Variants in SV2C observed in about 807,000 individuals in gnomAD.
SV2C encodes synaptic vesicle glycoprotein 2C.
A neutral mutation model predicts 79.7 loss-of-function variants in SV2C; 49 were observed. That is an observed-to-expected ratio of 0.61 (90% CI 0.49 to 0.78). The LOEUF is 0.78. SV2C is among the 30% of genes least tolerant of loss of function. The probability of loss-of-function intolerance (pLI) is 0.00; values close to 1 mark genes in which losing one functional copy is unlikely to be tolerated. For missense variants in SV2C, 833 were observed against 912.9 expected (o/e 0.91, Z 1.13); for synonymous variants, 334 against 333.2 (o/e 1.00, Z -0.03).
chr5:76,204,095 G>A (rs1744535893), intron 3 of SV2C, among the ~76,000 whole-genome samples: 1 of 152,222 alleles, frequency 6.6e-6, no homozygotes, highest in African/African-American at 2.4e-5. Context: ...CCCAAGGTCT[G>A]TGATACTCTA....
chr5:76,300,541 A>G (rs916185029), intron 10 of SV2C, among the ~76,000 whole-genome samples, 188 bp from the exon 11 acceptor site: 2 of 152,130 alleles, frequency 1.3e-5, no homozygotes, highest in African/African-American at 4.8e-5. Flanking sequence ...CACCTACTTT[A>G]TGATGTGAAG....
At chr5:76,244,201 C>A (rs770266216) in intron 4 of SV2C, among the ~76,000 whole-genome samples, 2 of 152,202 alleles carry the variant, frequency 1.3e-5, no homozygotes, top group Non-Finnish European at 2.9e-5. Context: ...GAACCAAACA[C>A]GGTAAGCTCT....
the SV2C span, among the ~76,000 whole-genome samples, chr5:76,007,229 A>G: frequency 6.6e-6 from 1 of 151,530 alleles, no homozygotes; most frequent in East Asian, 2.0e-4. Flanking sequence ...TTATTTGTGT[A>G]TGCCTCCCTT....
At chr5:76,238,510 ACT>A (rs1236015580) in intron 4 of SV2C, among the ~76,000 whole-genome samples, 1 of 151,764 alleles carries the variant, frequency 6.6e-6, no homozygotes, top group Non-Finnish European at 1.5e-5. Context: ...CATGTTGGAC[ACT>A]CTCTTAGTAC....
the SV2C span, among the ~76,000 whole-genome samples, chr5:75,988,138 T>C: frequency 1.3e-5 from 2 of 152,036 alleles, no homozygotes; most frequent in Admixed American, 6.6e-5. Context: ...CACACACATA[T>C]ACATTTAAGA....
At chr5:76,076,055 T>C in the SV2C span, 1 of 152,778 alleles carries the variant, frequency 6.5e-6, no homozygotes, top group African/African-American at 2.4e-5. Context: ...GTAGGAGTTA[T>C]ATTTGGTTGT....
At chr5:76,163,988 A>G (rs957635422) in intron 2 of SV2C, among the ~76,000 whole-genome samples, 3 of 152,216 alleles carry the variant, frequency 2.0e-5, no homozygotes, top group African/African-American at 7.2e-5. Context: ...GCCTTCTACA[A>G]TCCTCAGAGT....
At chr5:76,116,513 G>A (rs557788538) in intron 1 of SV2C, among the ~76,000 whole-genome samples, 32 of 152,152 alleles carry the variant, frequency 2.1e-4, no homozygotes, top group Non-Finnish European at 3.7e-4. Context: ...CCTAAGCCTC[G>A]CCTTCTGGGA....
chr5:76,133,903 G>A (rs999500654), intron 2 of SV2C, among the ~76,000 whole-genome samples: 8 of 152,116 alleles, frequency 5.3e-5, no homozygotes, highest in African/African-American at 1.9e-4. Flanking sequence ...GATAGACCCT[G>A]AGAAATATAC....
the SV2C span, among the ~76,000 whole-genome samples, chr5:75,884,188 G>A: frequency 2.0e-5 from 3 of 152,154 alleles, no homozygotes; most frequent in African/African-American, 4.8e-5. Context: ...CAACTTTTGA[G>A]AAACACCAAA....
rs931346516 is a variant in SV2C at position 76,325,774 on chromosome 5, C to G, written c.*227C>G. 2 of 538,190 alleles carry G rather than the reference C, an allele frequency of 3.7e-6. No individual in the cohort carries two copies. The highest frequency in any genetic ancestry group is 6.0e-6 in the Non-Finnish European group (2 of 331,740). 33.3% of individuals were successfully genotyped at this position (538,190 alleles called of 1,614,324 possible). ...TTGAATGCATTGTTATCTTTCCAAA[C>G]TGTGATGCTACTGCCTCCCGCAAAT... On this transcript the variant is annotated 3_prime_UTR_variant, in exon 13 of 13. Coordinates refer to ENST00000502798, the MANE Select transcript of SV2C (RefSeq NM_014979.4).
rs761349390 is a variant in SV2C at position 76,325,395 on chromosome 5, T to C, written c.2032T>C (p.Cys678Arg). 30 of 1,614,220 alleles carry C rather than the reference T, an allele frequency of 1.9e-5. No homozygotes were observed. The highest frequency in any genetic ancestry group is 2.5e-5 in the Non-Finnish European group (30 of 1,180,040). ...ATGFGFLNAL[C>R]KAAAVLGNLI... ...AGGCTTTGGCTTCTTAAATGCGCTA[T>C]GCAAGGCAGCAGCCGTCCTGGGAAA... The change falls in exon 13 of 13, where the codon TGC becomes CGC. Residue 678 changes from cysteine to arginine, a missense_variant. Transcript: ENST00000502798.
intron 1 of SV2C, among the ~76,000 whole-genome samples, chr5:76,114,021 CA>C (rs2112145772): frequency 6.6e-6 from 1 of 152,248 alleles, no homozygotes; most frequent in South Asian, 2.1e-4. Flanking sequence ...TCTTATGTAC[CA>C]ACAGAACCCT....
chr5:75,892,094 A>G, the SV2C span, among the ~76,000 whole-genome samples: 12 of 151,950 alleles, frequency 7.9e-5, no homozygotes, highest in Non-Finnish European at 1.3e-4. Context: ...CTCTCATTCA[A>G]ATTCCTCAGA....
the SV2C span, among the ~76,000 whole-genome samples, chr5:75,961,004 C>A: frequency 6.6e-6 from 1 of 152,034 alleles, no homozygotes; most frequent in African/African-American, 2.4e-5. Context: ...AAGGCCCACC[C>A]CTAGTATTTG....
chr5:76,238,032 AC>A (rs1745665725), intron 4 of SV2C, among the ~76,000 whole-genome samples: 2 of 87,698 alleles, frequency 2.3e-5, no homozygotes, highest in African/African-American at 1.8e-4. Flanking sequence ...ACACATACAC[AC>A]ACACACACAC....
At chr5:75,921,355 G>A in the SV2C span, 1 of 994,386 alleles carries the variant, frequency 1.0e-6, no homozygotes, top group Non-Finnish European at 1.6e-6. Flanking sequence ...GCCTGCTGCT[G>A]TCCTTTGGGG....
intron 2 of SV2C, among the ~76,000 whole-genome samples, chr5:76,153,529 T>C (rs956583453): frequency 1.3e-5 from 2 of 152,186 alleles, no homozygotes; most frequent in Non-Finnish European, 2.9e-5. Flanking sequence ...GGTTTCAGAC[T>C]GGGTGATGGA....
chr5:76,058,539 T>C, the SV2C span, among the ~76,000 whole-genome samples: 1 of 152,124 alleles, frequency 6.6e-6, no homozygotes, highest in Admixed American at 6.6e-5. Context: ...GAGAAATAAA[T>C]GTTGGCAAAG....
Sources: allele counts gnomAD v4.1 joint callset (sites outside exome capture counted in the v4.1 genomes callset), GRCh38; gene constraint gnomAD v4.1.1; transcripts MANE v1.5; gene names NCBI Gene and HGNC (gene_info 2026-07-23, HGNC 2026-07-21).